The following SEMA3E variants were observed in gnomAD, a reference collection of about 807,000 sequenced individuals.
SEMA3E encodes the protein semaphorin-3E.
Under a neutral mutation model 93.6 loss-of-function variants are expected in SEMA3E, and 49 were observed. The ratio of observed to expected loss-of-function variants is 0.52; its 90% CI spans 0.42 to 0.66. The LOEUF (loss-of-function observed/expected upper bound fraction) is 0.66, where lower values mean the gene tolerates loss of function less well. SEMA3E is among the 30% of genes least tolerant of loss of function. The probability of loss-of-function intolerance (pLI) is 0.00; values close to 1 mark genes in which losing one functional copy is unlikely to be tolerated. For missense variants in SEMA3E, 906 were observed against 964.8 expected (o/e 0.94, Z 0.81); for synonymous variants, 363 against 330.7 (o/e 1.10, Z -1.06).
chr7:83,379,779 A>G (rs1787742205), intron 16 of SEMA3E, among the ~76,000 whole-genome samples: 1 of 151,922 alleles, frequency 6.6e-6, no homozygotes, highest in Non-Finnish European at 1.5e-5. Flanking sequence ...AATTTTTTAA[A>G]TCTGTAAAGT....
chr7:83,475,675 G>A (rs769340624), intron 2 of SEMA3E, among the ~76,000 whole-genome samples: 1 of 152,074 alleles, frequency 6.6e-6, no homozygotes, highest in African/African-American at 2.4e-5. Context: ...ATAGTCTTTC[G>A]TCTCTGACCC....
At chr7:83,404,380 G>C (rs17213384) in intron 9 of SEMA3E, among the ~76,000 whole-genome samples, 25,117 of 151,826 alleles carry the variant, frequency 0.17, 2,751 homozygotes, top group Middle Eastern at 0.28. Context: ...CGTAAGCACA[G>C]TATACATAAT....
intron 1 of SEMA3E, among the ~76,000 whole-genome samples, chr7:83,525,659 C>A (rs149328531): frequency 6.6e-6 from 1 of 151,822 alleles, no homozygotes. Flanking sequence ...ATTTTCTGCT[C>A]ATTTTTAAAG....
At chr7:83,489,400 TA>T (rs5885359) in intron 2 of SEMA3E, among the ~76,000 whole-genome samples, 19,260 of 149,154 alleles carry the variant, frequency 0.13, 1,406 homozygotes, top group East Asian at 0.22. Flanking sequence ...TTGTCATAAT[TA>T]AAAAAAAAAT....
intron 1 of SEMA3E, among the ~76,000 whole-genome samples, chr7:83,628,614 C>A (rs1252561330): frequency 3.3e-5 from 5 of 151,754 alleles, no homozygotes; most frequent in Non-Finnish European, 7.4e-5. Context: ...AGTTCTCATG[C>A]TGTGTTTTTC....
At chr7:83,478,580 C>T (rs902821344) in intron 2 of SEMA3E, among the ~76,000 whole-genome samples, 6 of 152,240 alleles carry the variant, frequency 3.9e-5, no homozygotes, top group Middle Eastern at 3.4e-3. Flanking sequence ...TGAATACTGG[C>T]GTCTTCTGGG....
At chr7:83,471,363 C>T (rs2713186) in intron 2 of SEMA3E, among the ~76,000 whole-genome samples, 58,779 of 141,898 alleles carry the variant, frequency 0.41, 14,081 homozygotes, top group East Asian at 0.65. Context: ...TAGACCGCTC[C>T]TGTCAGGATA....
chr7:83,439,256 A>G (rs1298544067), intron 4 of SEMA3E, among the ~76,000 whole-genome samples: 1 of 152,192 alleles, frequency 6.6e-6, no homozygotes, highest in East Asian at 1.9e-4. Flanking sequence ...GAGAAGAAAG[A>G]AAGGAATTGC....
chr7:83,473,428 C>T (rs533646515), intron 2 of SEMA3E, among the ~76,000 whole-genome samples: 1 of 152,312 alleles, frequency 6.6e-6, no homozygotes, highest in African/African-American at 2.4e-5. Flanking sequence ...TTCTGCCTCC[C>T]CTTCCTCTAT....
chr7:83,469,121 TCATGAACC>T, intron 3 of SEMA3E, 114 bp downstream of exon 3: 1 of 759,292 alleles, frequency 1.3e-6, no homozygotes, highest in Admixed American at 2.2e-5. Context: ...TATTTTTTCT[TCATGAACC>T]AAATTGCATA....
chr7:83,383,751 T>C (rs2116914259), intron 16 of SEMA3E, among the ~76,000 whole-genome samples: 1 of 152,034 alleles, frequency 6.6e-6, no homozygotes, highest in Non-Finnish European at 1.5e-5. Flanking sequence ...GGTAAAGATT[T>C]CCAAATGAGG....
chr7:83,507,572 A>T (rs979780123), intron 1 of SEMA3E, among the ~76,000 whole-genome samples: 4 of 151,920 alleles, frequency 2.6e-5, no homozygotes, highest in African/African-American at 9.7e-5. Flanking sequence ...AGGGGCAAGC[A>T]GGTGGTGGAA....
intron 1 of SEMA3E, among the ~76,000 whole-genome samples, chr7:83,533,838 C>T (rs1482034970): frequency 2.0e-5 from 3 of 152,084 alleles, no homozygotes; most frequent in African/African-American, 4.8e-5. Context: ...GGCCCAGGCA[C>T]AGCTGACTGG....
At chr7:83,577,614 A>C (rs1038476632) in intron 1 of SEMA3E, among the ~76,000 whole-genome samples, 1 of 152,160 alleles carries the variant, frequency 6.6e-6, no homozygotes, top group East Asian at 1.9e-4. Context: ...TAATCCTCTA[A>C]TATACCAAAC....
intron 1 of SEMA3E, among the ~76,000 whole-genome samples, chr7:83,623,111 G>C (rs1043796596): frequency 1.3e-5 from 2 of 152,098 alleles, no homozygotes; most frequent in African/African-American, 4.8e-5. Context: ...ATGTGAGGAG[G>C]TTACCAAAAT....
At chr7:83,587,150 A>G (rs575648753) in intron 1 of SEMA3E, among the ~76,000 whole-genome samples, 24 of 152,318 alleles carry the variant, frequency 1.6e-4, no homozygotes, top group Non-Finnish European at 2.2e-4. Flanking sequence ...TCAACCGTAC[A>G]AATATATAAT....
chr7:83,628,393 G>T (rs1337809462), intron 1 of SEMA3E, among the ~76,000 whole-genome samples: 1 of 152,016 alleles, frequency 6.6e-6, no homozygotes, highest in Non-Finnish European at 1.5e-5. Flanking sequence ...TTTCCAACTT[G>T]GTTGCATTCT....
intron 1 of SEMA3E, among the ~76,000 whole-genome samples, chr7:83,625,224 T>A (rs572755833): frequency 6.6e-6 from 1 of 152,296 alleles, no homozygotes; most frequent in Admixed American, 6.5e-5. Flanking sequence ...TTTGGTTCCA[T>A]AACAAATTTA....
At chr7:83,411,401 T>A (rs905066185) in intron 5 of SEMA3E, among the ~76,000 whole-genome samples, 3 of 152,110 alleles carry the variant, frequency 2.0e-5, no homozygotes, top group African/African-American at 7.2e-5. Context: ...GAAACAAATG[T>A]GTTTCTGTTG....
Sources: allele counts gnomAD v4.1 joint callset (sites outside exome capture counted in the v4.1 genomes callset), GRCh38; gene constraint gnomAD v4.1.1; transcripts MANE v1.5; gene names NCBI Gene and HGNC (gene_info 2026-07-23, HGNC 2026-07-21).